STK3: variants seen among roughly 807,000 people sequenced by gnomAD.
STK3 encodes the protein serine/threonine kinase 3, also known as serine/threonine-protein kinase 3.
Under a neutral mutation model 58.0 loss-of-function variants are expected in STK3, and 41 were observed. The ratio of observed to expected loss-of-function variants is 0.71; its 90% CI spans 0.55 to 0.92. The LOEUF is 0.92. STK3 is among the 40% of genes least tolerant of loss of function. The pLI is 0.00. For missense variants in STK3, 479 were observed against 602.7 expected (o/e 0.79, Z 2.15); for synonymous variants, 170 against 191.0 (o/e 0.89, Z 0.91).
intron 6 of STK3, among the ~76,000 whole-genome samples, chr8:98,692,874 T>C (rs945876849): frequency 6.6e-6 from 1 of 152,092 alleles, no homozygotes; most frequent in South Asian, 2.1e-4. Flanking sequence ...ATGGGGAGTG[T>C]AGTGAGTTGA....
chr8:98,737,970 G>T, intron 4 of STK3, among the ~76,000 whole-genome samples: 1 of 152,134 alleles, frequency 6.6e-6, no homozygotes, highest in Admixed American at 6.5e-5. Flanking sequence ...TTGGCCTCCA[G>T]AAGTGCCAGG....
At chr8:98,833,376 A>T (rs1038139831) in intron 3 of STK3, among the ~76,000 whole-genome samples, 1 of 152,114 alleles carries the variant, frequency 6.6e-6, no homozygotes, top group Non-Finnish European at 1.5e-5. Context: ...ATGTAGATGG[A>T]GCCTCCAGGT....
At chr8:98,431,875 A>G (rs529210274) in intron 3 of STK3, 2 of 167,164 alleles carry the variant, frequency 1.2e-5, no homozygotes, top group South Asian at 4.1e-4. Context: ...ATAAAATATT[A>G]TCTTGCCCAA....
chr8:98,457,667 A>C (rs1819602815), intron 10 of STK3, among the ~76,000 whole-genome samples: 1 of 152,228 alleles, frequency 6.6e-6, no homozygotes, highest in Non-Finnish European at 1.5e-5. Context: ...CTATCCTACT[A>C]TACTGCAAAT....
intron 6 of STK3, among the ~76,000 whole-genome samples, chr8:98,682,550 A>C (rs1245220330): frequency 1.3e-5 from 2 of 152,174 alleles, no homozygotes; most frequent in African/African-American, 4.8e-5. Context: ...TATGCAAATT[A>C]AATGATCCCA....
In STK3 at chr8:98,428,169, G is replaced by A; in HGVS notation, n.483+5958C>T. ...TCTGGAGCTCTGCGATGACTACGACGACGTCCAGCGGGAGTTCTACTTCGA... is the reference window on the plus strand; with the variant it reads ...TCTGGAGCTCTGCGATGACTACGACAACGTCCAGCGGGAGTTCTACTTCGA... On this transcript the variant is annotated intron_variant and non_coding_transcript_variant, in intron 3 of 3. Coordinates refer to the STK3 transcript ENST00000517832. This position sits in a 1 kb window ranked among gnomAD's most constrained non-coding sequence, Gnocchi z 6.7. 6.2e-7 allele frequency: 1 copy of A among 1,614,056 alleles called. No individual in the cohort carries two copies. The highest frequency in any genetic ancestry group is 8.5e-7 in the Non-Finnish European group (1 of 1,180,018).
At chr8:98,863,716 A>C (rs1837018732) in intron 3 of STK3, among the ~76,000 whole-genome samples, 1 of 152,226 alleles carries the variant, frequency 6.6e-6, no homozygotes. Flanking sequence ...AAAGAAGTAC[A>C]AGGTAGAAAC....
intron 2 of STK3, among the ~76,000 whole-genome samples, chr8:98,773,845 A>T (rs1831484939): frequency 6.6e-6 from 1 of 151,828 alleles, no homozygotes; most frequent in African/African-American, 2.4e-5. Flanking sequence ...TGTCCAGGCT[A>T]GAGTGCAATG....
intron 6 of STK3, among the ~76,000 whole-genome samples, chr8:98,697,490 C>T (rs1320551079): frequency 6.6e-6 from 1 of 152,140 alleles, no homozygotes; most frequent in African/African-American, 2.4e-5. Flanking sequence ...CTCTTGTGGG[C>T]ATTTAATGCT....
intron 4 of STK3, among the ~76,000 whole-genome samples, chr8:98,747,223 T>C (rs367622369): frequency 1.6e-3 from 246 of 150,918 alleles, no homozygotes; most frequent in African/African-American, 5.7e-3. Flanking sequence ...TGAGTAAATA[T>C]AAACATTTGC....
chr8:98,423,692 G>T (rs1818197095), intron 3 of STK3, among the ~76,000 whole-genome samples: 1 of 152,196 alleles, frequency 6.6e-6, no homozygotes, highest in African/African-American at 2.4e-5. Flanking sequence ...CCAGGGGGAA[G>T]GTCAAGGACC....
the STK3 span, among the ~76,000 whole-genome samples, chr8:98,345,285 A>G: frequency 3.9e-5 from 6 of 152,052 alleles, no homozygotes; most frequent in African/African-American, 1.5e-4. Context: ...GAAGAAATAA[A>G]TAAAGCAGCC....
At chr8:98,831,057 T>C (rs988819432) in intron 3 of STK3, among the ~76,000 whole-genome samples, 2 of 152,024 alleles carry the variant, frequency 1.3e-5, no homozygotes, top group African/African-American at 4.8e-5. Context: ...AATATACACT[T>C]TAATTATACT....
intron 9 of STK3, among the ~76,000 whole-genome samples, chr8:98,541,902 C>T (rs565573007): frequency 7.2e-5 from 11 of 152,270 alleles, no homozygotes; most frequent in Admixed American, 6.5e-4. Context: ...TCCTAAAGGA[C>T]TCTTAAATGT....
chr8:98,639,889 T>C (rs1190805568), intron 6 of STK3, among the ~76,000 whole-genome samples: 1 of 152,048 alleles, frequency 6.6e-6, no homozygotes, highest in African/African-American at 2.4e-5. Context: ...GGCAGATGGA[T>C]CACCTGAGGT....
intron 4 of STK3, among the ~76,000 whole-genome samples, chr8:98,716,601 A>T (rs1827036349): frequency 6.6e-6 from 1 of 152,180 alleles, no homozygotes. Context: ...TGCCCATGCT[A>T]CCCAAAGCAA....
chr8:98,452,316 A>G (rs534975756), downstream of STK3, among the ~76,000 whole-genome samples: 20 of 152,356 alleles, frequency 1.3e-4, no homozygotes, highest in African/African-American at 4.1e-4. Flanking sequence ...AGTGTCTGAC[A>G]TATAGTAAGT....
In STK3 at chr8:98,825,653, C is replaced by T. The variant is rs1835218549; in HGVS notation, c.-113G>A. 1 of 1,201,564 alleles carries T rather than the reference C, an allele frequency of 8.3e-7. No individual in the cohort carries two copies. The highest frequency in any genetic ancestry group is 1.0e-6 in the Non-Finnish European group (1 of 956,466). 74.4% of individuals were successfully genotyped at this position (1,201,564 alleles called of 1,614,324 possible). On this transcript the variant is annotated 5_prime_UTR_variant, in exon 1 of 11. Transcript: ENST00000419617. ...GCACCACAGAGGGAAACTCTGGGAA[C>T]TCGGACCAACTTTCCCGTAACTCCG... is the stretch of plus-strand genomic sequence containing the variant.
intron 3 of STK3, among the ~76,000 whole-genome samples, chr8:98,872,630 G>T (rs1837418840): frequency 6.6e-6 from 1 of 152,254 alleles, no homozygotes; most frequent in East Asian, 1.9e-4. Context: ...TTTGTGTAGA[G>T]GTGTTTATAG....
Sources: gnomAD v4.1 joint callset for allele counts (sites outside exome capture counted in the v4.1 genomes callset) on GRCh38, gnomAD v4.1.1 for gene constraint, Gnocchi (gnomAD v3.1) non-coding constraint, MANE v1.5 for transcripts, NCBI Gene and HGNC (gene_info 2026-07-23, HGNC 2026-07-21) for gene names.